Variants in DSCAM observed in about 807,000 individuals in gnomAD.
The protein encoded by DSCAM is DS cell adhesion molecule.
A neutral mutation model predicts 217.7 loss-of-function variants in DSCAM; 47 were observed. The observed-to-expected ratio is 0.22, with a 90% CI of 0.17 to 0.28. DSCAM has a LOEUF of 0.28. Among genes scored for constraint, DSCAM ranks in the 10% least tolerant of loss-of-function variants. DSCAM has a pLI of 1.00. For missense variants in DSCAM, 2,080 were observed against 2,618.3 expected (o/e 0.79, Z 4.49); for synonymous variants, 1,056 against 1,015.3 (o/e 1.04, Z -0.76).
intron 3 of DSCAM, among the ~76,000 whole-genome samples, chr21:40,571,767 T>C (rs191692228): frequency 6.6e-6 from 1 of 152,274 alleles, no homozygotes; most frequent in Non-Finnish European, 1.5e-5. Context: ...ATATTCCCAT[T>C]TTAGTAGAGA....
intron 3 of DSCAM, among the ~76,000 whole-genome samples, chr21:40,488,204 T>C (rs938926744): frequency 2.6e-5 from 4 of 152,222 alleles, no homozygotes; most frequent in East Asian, 1.9e-4. Context: ...CCTGGAACAG[T>C]GGCTGGCTGG....
rs1457135186 is a variant in DSCAM, at chr21:40,666,359, AGAG to A, written c.508+26448_508+26450del. On this transcript the variant is annotated intron_variant, in intron 3 of 32. Coordinates refer to ENST00000400454, the MANE Select transcript of DSCAM (RefSeq NM_001389.5). ...AGTAGTATCATCCTCATCATTTTCC[AGAG>A]GAGAAAACCGCGGAACAGAAGGGCT... Among the ~76,000 whole-genome samples, 4 of 152,190 alleles carry A rather than the reference AGAG, an allele frequency of 2.6e-5. No individual in the cohort carries two copies. In the East Asian group the frequency reaches 7.7e-4, roughly 29 times the overall value.
At chr21:40,664,205 G>A (rs1601832278) in intron 3 of DSCAM, among the ~76,000 whole-genome samples, 1 of 152,148 alleles carries the variant, frequency 6.6e-6, no homozygotes, top group Admixed American at 6.5e-5. Context: ...CACTGGCATC[G>A]CATATATATA....
chr21:40,781,282 A>G (rs944449070), intron 1 of DSCAM, among the ~76,000 whole-genome samples: 9 of 152,172 alleles, frequency 5.9e-5, no homozygotes, highest in East Asian at 5.8e-4. Flanking sequence ...GGCCTCCCCA[A>G]GTGCTGGGAT....
At chr21:40,677,506 C>T (rs2090353844) in intron 3 of DSCAM, among the ~76,000 whole-genome samples, 1 of 152,080 alleles carries the variant, frequency 6.6e-6, no homozygotes, top group Non-Finnish European at 1.5e-5. Context: ...AGATCCACTG[C>T]CCCATAGCTT....
chr21:40,233,434 C>A (rs908136095), intron 11 of DSCAM, among the ~76,000 whole-genome samples: 1 of 152,160 alleles, frequency 6.6e-6, no homozygotes, highest in Non-Finnish European at 1.5e-5. Flanking sequence ...ATTCAACCAA[C>A]CAGTCTGAGG....
At chr21:40,748,591 C>CA (rs2091197538) in intron 1 of DSCAM, among the ~76,000 whole-genome samples, 1 of 151,762 alleles carries the variant, frequency 6.6e-6, no homozygotes, top group Non-Finnish European at 1.5e-5. Context: ...GAAGAGGACA[C>CA]AAAAAATTAG....
At chr21:40,143,774 G>C (rs1372104052) in intron 17 of DSCAM, among the ~76,000 whole-genome samples, 2 of 152,206 alleles carry the variant, frequency 1.3e-5, no homozygotes, top group African/African-American at 2.4e-5. Flanking sequence ...CTGGGAGAGA[G>C]AGCCGGACTC....
At chr21:40,758,587 T>C (rs1259171202) in intron 1 of DSCAM, among the ~76,000 whole-genome samples, 1 of 150,314 alleles carries the variant, frequency 6.7e-6, no homozygotes, top group Non-Finnish European at 1.5e-5. Flanking sequence ...TGGCATAAAG[T>C]GGAAAGAATT....
intron 3 of DSCAM, among the ~76,000 whole-genome samples, chr21:40,579,681 G>T (rs938534952): frequency 1.7e-4 from 26 of 152,280 alleles, no homozygotes; most frequent in Admixed American, 6.5e-4. Context: ...TAAGATCGTC[G>T]CTAGAAAATC....
intron 3 of DSCAM, among the ~76,000 whole-genome samples, chr21:40,391,210 G>C (rs537875696): frequency 6.6e-6 from 1 of 152,286 alleles, no homozygotes; most frequent in South Asian, 2.1e-4. Flanking sequence ...CCAGGGGCTG[G>C]ACTCATGGCT....
At chr21:40,740,930 C>T (rs2091117484) in intron 1 of DSCAM, among the ~76,000 whole-genome samples, 1 of 152,208 alleles carries the variant, frequency 6.6e-6, no homozygotes, top group African/African-American at 2.4e-5. Flanking sequence ...GGTTAGGCAG[C>T]TTATAGTCTC....
chr21:40,271,981 T>A (rs993297129), intron 11 of DSCAM, among the ~76,000 whole-genome samples: 5 of 152,178 alleles, frequency 3.3e-5, no homozygotes, highest in Non-Finnish European at 5.9e-5. Flanking sequence ...GAGAAAGGAA[T>A]AGACCTGTCT....
chr21:40,167,292 T>C lies in DSCAM; in HGVS notation c.2948-4A>G. ...TCCTGAGGTGGACCATCAGGAGCTGTAAGGACCAAAAACCCACAGGCAGGT... is the reference window on the plus strand; with the variant it reads ...TCCTGAGGTGGACCATCAGGAGCTGCAAGGACCAAAAACCCACAGGCAGGT... On this transcript the variant is annotated splice_polypyrimidine_tract_variant and splice_region_variant and intron_variant, in intron 15 of 32. Transcript: ENST00000400454. 6.2e-7 allele frequency: 1 copy of C among 1,613,946 alleles called. No homozygotes were observed. The highest frequency in any genetic ancestry group is 8.5e-7 in the Non-Finnish European group (1 of 1,179,964).
intron 1 of DSCAM, among the ~76,000 whole-genome samples, chr21:40,815,941 T>C (rs1419111603): frequency 6.6e-6 from 1 of 152,236 alleles, no homozygotes; most frequent in African/African-American, 2.4e-5. Context: ...GCAGCCATCA[T>C]GATTCCACCT....
At chr21:40,421,068 G>A (rs897186901) in intron 3 of DSCAM, among the ~76,000 whole-genome samples, 45 of 152,160 alleles carry the variant, frequency 3.0e-4, no homozygotes, top group African/African-American at 1.1e-3. Flanking sequence ...AGTCTTAAAA[G>A]TGTCACCTTC....
rs889899126 is a variant in DSCAM at position 40,117,755 on chromosome 21, T to C, written c.3696+6440A>G. Among the ~76,000 whole-genome samples the C allele has an allele frequency of 2.6e-5, 4 of 152,226 alleles. No homozygotes were observed. The East Asian group carries it at 7.7e-4, about 29-fold the overall frequency. ...ACTTTCGTGGCGTGATTATAACTTATATTTTCTATCGTGGGTCACCATAGG... is the reference window on the plus strand; with the variant it reads ...ACTTTCGTGGCGTGATTATAACTTACATTTTCTATCGTGGGTCACCATAGG... On this transcript the variant is annotated intron_variant, in intron 20 of 32. Transcript: ENST00000400454.
chr21:40,052,581 C>T (rs1032644524), intron 29 of DSCAM, among the ~76,000 whole-genome samples: 5 of 152,152 alleles, frequency 3.3e-5, no homozygotes, highest in Non-Finnish European at 4.4e-5. Context: ...CTGAGGTTTG[C>T]TCTCATTCTG....
chr21:40,633,053 C>T (rs1378859266), intron 3 of DSCAM, among the ~76,000 whole-genome samples: 1 of 152,130 alleles, frequency 6.6e-6, no homozygotes, highest in East Asian at 1.9e-4. Flanking sequence ...TTTCTACATC[C>T]GTTGTTCCAT....
Sources: allele counts gnomAD v4.1 joint callset (sites outside exome capture counted in the v4.1 genomes callset), GRCh38; gene constraint gnomAD v4.1.1; transcripts MANE v1.5; gene names NCBI Gene and HGNC (gene_info 2026-07-23, HGNC 2026-07-21).